PREX2: variants seen among roughly 807,000 people sequenced by gnomAD.
PREX2 encodes the protein phosphatidylinositol-3,4,5-trisphosphate dependent Rac exchange factor 2, also known as phosphatidylinositol 3,4,5-trisphosphate-dependent Rac exchanger 2 protein.
A neutral mutation model predicts 203.2 loss-of-function variants in PREX2; 107 were observed. The ratio of observed to expected loss-of-function variants is 0.53; its 90% CI spans 0.45 to 0.62. PREX2 has a LOEUF of 0.62. PREX2 is among the 20% of genes least tolerant of loss of function. The pLI is 0.00. For synonymous variants in PREX2, 672 were observed against 663.6 expected (o/e 1.01, Z -0.19); for missense variants, 1,777 against 1,955.9 (o/e 0.91, Z 1.72).
At chr8:68,081,213 T>G (rs114456025) in intron 17 of PREX2, among the ~76,000 whole-genome samples, 1,866 of 152,238 alleles carry the variant, frequency 0.012, 40 homozygotes, top group African/African-American at 0.041. Context: ...TCATAAGGTA[T>G]GGTCAACATA....
rs573932904 is a variant in PREX2, at chr8:67,982,276, A to G, written c.141+29741A>G. ...CTGTCTCTATAAAAATTTAAAAAAA[A>G]GCTGGTATAGTGGTGTGTGCCTATA... On this transcript the variant is annotated intron_variant, in intron 1 of 39. Coordinates refer to ENST00000288368, the MANE Select transcript of PREX2 (RefSeq NM_024870.4). 4.1e-4 allele frequency among the ~76,000 whole-genome samples: 62 copies of G among 152,154 alleles called. No homozygotes were observed. The East Asian group carries it at 0.012, about 29-fold the overall frequency.
intron 17 of PREX2, among the ~76,000 whole-genome samples, chr8:68,081,945 C>T (rs1809543398): frequency 1.3e-5 from 2 of 151,322 alleles, no homozygotes; most frequent in South Asian, 4.2e-4. Flanking sequence ...GATCTGCCCA[C>T]CTCAGCCTCC....
At position 68,231,745 on chromosome 8, in the gene PREX2, T is replaced by C; in HGVS notation, c.*367T>C. ...TAAAATGGTTTTATTATGCTTGTTT[T>C]CATCTTTCCCAAGTGGACACATGTA... On this transcript the variant is annotated 3_prime_UTR_variant, in exon 40 of 40. Coordinates refer to ENST00000288368, the MANE Select transcript of PREX2 (RefSeq NM_024870.4). The C allele has an allele frequency of 5.2e-6, 1 of 193,382 alleles. No homozygotes were observed. Among genetic ancestry groups the C allele is most frequent in the East Asian group, 9.1e-5 (1 of 10,980 alleles). The allele number at this position is 193,382 out of a possible 1,614,324, so 12.0% of individuals were successfully genotyped here.
At chr8:68,103,633 T>A (rs1045869519) in intron 23 of PREX2, 3 of 519,228 alleles carry the variant, frequency 5.8e-6, no homozygotes, top group South Asian at 4.2e-5. Flanking sequence ...GTGGGCCTCT[T>A]CTTCCCTCTG....
At chr8:68,217,551 C>T in intron 37 of PREX2, 65 bp from the exon 38 acceptor site, 3 of 1,142,394 alleles carry the variant, frequency 2.6e-6, no homozygotes, top group Non-Finnish European at 3.9e-6. Flanking sequence ...GATTAGTAAT[C>T]CACATCATCT....
rs997213228 is a variant in PREX2 at position 68,045,312 on chromosome 8, T to G, written c.943+722T>G. On this transcript the variant is annotated intron_variant, in intron 8 of 39. Coordinates refer to ENST00000288368, the MANE Select transcript of PREX2 (RefSeq NM_024870.4). The stretch of plus-strand genomic sequence containing the variant: ...GATTTTAGTTAGAATTTAAAAAATA[T>G]GCTTCTACGAGAAAAGACAAGATGA... 2.0e-5 allele frequency among the ~76,000 whole-genome samples: 3 copies of G among 152,248 alleles called. No homozygotes were observed. In the East Asian group the frequency reaches 5.8e-4, roughly 29 times the overall value.
At chr8:68,111,719 A>T (rs1810538778) in intron 25 of PREX2, among the ~76,000 whole-genome samples, 1 of 152,180 alleles carries the variant, frequency 6.6e-6, no homozygotes, top group African/African-American at 2.4e-5. Flanking sequence ...ACACAACTTA[A>T]TGTGCAATAT....
intron 35 of PREX2, among the ~76,000 whole-genome samples, chr8:68,187,115 A>G (rs753239239): frequency 4.1e-4 from 61 of 149,672 alleles, no homozygotes; most frequent in Non-Finnish European, 3.1e-4. Context: ...TGCTTCCCTT[A>G]GGTGGTACTG....
intron 35 of PREX2, among the ~76,000 whole-genome samples, chr8:68,189,154 G>T (rs1392297835): frequency 6.6e-6 from 1 of 152,168 alleles, no homozygotes; most frequent in African/African-American, 2.4e-5. Flanking sequence ...GTGCATAAGT[G>T]GGTTTTCACA....
chr8:68,117,194 G>A (rs1563553555), intron 26 of PREX2, among the ~76,000 whole-genome samples: 1 of 152,100 alleles, frequency 6.6e-6, no homozygotes, highest in Non-Finnish European at 1.5e-5. Flanking sequence ...GGGGAAAGAG[G>A]AAGATTTTAC....
chr8:68,044,053 G>A (rs138899937), intron 7 of PREX2, among the ~76,000 whole-genome samples: 6 of 152,138 alleles, frequency 3.9e-5, no homozygotes, highest in African/African-American at 1.4e-4. Flanking sequence ...CTCCAGCATA[G>A]CCAATTCTTT....
At chr8:68,145,632 G>A (rs975117085) in intron 33 of PREX2, among the ~76,000 whole-genome samples, 1 of 152,062 alleles carries the variant, frequency 6.6e-6, no homozygotes, top group Non-Finnish European at 1.5e-5. Flanking sequence ...CTGAAATTTA[G>A]TTTTCAAGTT....
intron 39 of PREX2, 91 bp from the exon 40 acceptor site, chr8:68,231,242 T>C: frequency 1.1e-6 from 1 of 900,610 alleles, no homozygotes; most frequent in Non-Finnish European, 1.6e-6. Context: ...AAACAAGAAA[T>C]TATCATCAAT....
chr8:68,001,258 C>G (rs1042969502), intron 1 of PREX2, among the ~76,000 whole-genome samples: 2 of 152,022 alleles, frequency 1.3e-5, no homozygotes, highest in East Asian at 3.9e-4. Flanking sequence ...AATGAACAAA[C>G]CCATTAAAAA....
Position 67,952,419 on chromosome 8 carries a change from A to C in PREX2, c.25A>C (p.Ser9Arg). The C allele has an allele frequency of 6.4e-7, 1 of 1,570,992 alleles. No individual in the cohort carries two copies. The highest frequency in any genetic ancestry group is 8.6e-7 in the Non-Finnish European group (1 of 1,159,394). Residue 9 changes from serine (S) to arginine (R), a missense_variant, in exon 1 of 40, where the codon AGC becomes CGC. Ser to Arg is a moderately radical substitution (Grantham distance 110). Coordinates refer to ENST00000288368, the MANE Select transcript of PREX2 (RefSeq NM_024870.4). Reference protein sequence around the residue: MSEDSRGDSRAESAKDLEK... With the variant: MSEDSRGDRRAESAKDLEK... ...CATGAGCGAGGACAGCCGCGGAGAC[A>C]GCCGCGCCGAGAGCGCCAAGGACCT...
chr8:68,184,411 T>C (rs1371381302), intron 35 of PREX2, among the ~76,000 whole-genome samples: 2 of 152,212 alleles, frequency 1.3e-5, no homozygotes, highest in African/African-American at 2.4e-5. Context: ...ATGATATCTG[T>C]AATTGATTAA....
rs1807249183 is a variant in PREX2 at position 68,011,221 on chromosome 8, T to C, written c.142-6625T>C. On this transcript the variant is annotated intron_variant, in intron 1 of 39. Transcript: ENST00000288368. ...ATTTTTAAGTATTTTTGTTTTAGCTTTTTTTTTCTCTGATCATGGGAGTAC... is the reference window on the plus strand; with the variant it reads ...ATTTTTAAGTATTTTTGTTTTAGCTCTTTTTTTCTCTGATCATGGGAGTAC... Among the ~76,000 whole-genome samples the C allele has an allele frequency of 2.0e-5, 3 of 151,988 alleles. No homozygotes were observed. In the South Asian group the frequency reaches 6.2e-4, roughly 32 times the overall value.
At chr8:68,023,468 G>A (rs1352170602) in intron 4 of PREX2, among the ~76,000 whole-genome samples, 1 of 152,032 alleles carries the variant, frequency 6.6e-6, no homozygotes, top group Admixed American at 6.6e-5. Context: ...TTTAAAAATT[G>A]GGATGTTTAT....
rs1807445899 is a variant in PREX2 at position 68,017,697 on chromosome 8, G to C, written c.142-149G>C. On this transcript the variant is annotated intron_variant, in intron 1 of 39. Transcript: ENST00000288368. ...CCCAGAGAGGAACAGCAATGCACAAGGGTTTCTGTGTTACAACAAAACTAT... is the reference window on the plus strand; with the variant it reads ...CCCAGAGAGGAACAGCAATGCACAACGGTTTCTGTGTTACAACAAAACTAT... 43 of 619,850 alleles carry C rather than the reference G, an allele frequency of 6.9e-5. No homozygotes were observed. The South Asian group carries it at 7.8e-4, about 11-fold the overall frequency. 38.4% of individuals were successfully genotyped at this position (619,850 alleles called of 1,614,324 possible).
Sources: gnomAD v4.1 joint callset for allele counts (sites outside exome capture counted in the v4.1 genomes callset) on GRCh38, gnomAD v4.1.1 for gene constraint, MANE v1.5 for transcripts, NCBI Gene and HGNC (gene_info 2026-07-23, HGNC 2026-07-21) for gene names.